HCN1: variants seen among roughly 807,000 people sequenced by gnomAD.
HCN1 encodes hyperpolarization activated cyclic nucleotide gated potassium channel 1.
A neutral mutation model predicts 78.9 loss-of-function variants in HCN1; 13 were observed. The ratio of observed to expected loss-of-function variants is 0.16; its 90% CI spans 0.11 to 0.26. HCN1 has a LOEUF of 0.26. Among genes scored for constraint, HCN1 ranks in the 10% least tolerant of loss-of-function variants. The pLI, the probability that HCN1 is intolerant of heterozygous loss-of-function variation, is 1.00. For synonymous variants in HCN1, 552 were observed against 455.5 expected, an observed-to-expected ratio of 1.21 and a Z score of -2.70; for missense variants, 810 against 1,154.3, an observed-to-expected ratio of 0.70 and a Z score of 4.32.
chr5:45,346,652 C>T (rs915875094), intron 5 of HCN1, among the ~76,000 whole-genome samples: 2 of 152,302 alleles, frequency 1.3e-5, no homozygotes, highest in Admixed American at 6.5e-5. Flanking sequence ...AATCGGGTCA[C>T]TCCCACCCTA....
At chr5:45,311,170 T>C (rs1366398868) in intron 5 of HCN1, among the ~76,000 whole-genome samples, 1 of 152,086 alleles carries the variant, frequency 6.6e-6, no homozygotes, top group East Asian at 1.9e-4. Context: ...GAACTTAAAA[T>C]GAAAGTTAAA....
intron 4 of HCN1, among the ~76,000 whole-genome samples, chr5:45,392,421 G>C (rs894232046): frequency 2.4e-4 from 37 of 152,028 alleles, no homozygotes; most frequent in Admixed American, 6.5e-4. Flanking sequence ...TTATTTTTTG[G>C]TATGATTACA....
At chr5:45,270,785 CAA>C (rs1744946267) in intron 6 of HCN1, among the ~76,000 whole-genome samples, 1 of 151,966 alleles carries the variant, frequency 6.6e-6, no homozygotes, top group Admixed American at 6.6e-5. Context: ...TTTTTAAAAA[CAA>C]GTTTAAAAAT....
intron 2 of HCN1, among the ~76,000 whole-genome samples, chr5:45,602,741 C>T (rs184775423): frequency 4.6e-5 from 7 of 152,206 alleles, no homozygotes; most frequent in Non-Finnish European, 8.8e-5. Context: ...GATTCAAGTG[C>T]TTGAGAGGCA....
chr5:45,269,142 C>G lies in HCN1; in HGVS notation c.1619-1889G>C, dbSNP rs573127609. On this transcript the variant is annotated intron_variant, in intron 6 of 7. Coordinates refer to ENST00000303230, the MANE Select transcript of HCN1 (RefSeq NM_021072.4). ...ATAACAGATTAGTGGTTGCCTGAGG[C>G]AAAAGATGGAAAAGGGAATTAACAG... Among the ~76,000 whole-genome samples the G allele has an allele frequency of 2.6e-5, 4 of 152,168 alleles. No homozygotes were observed. In the East Asian group the frequency reaches 5.8e-4, roughly 22 times the overall value.
intron 2 of HCN1, among the ~76,000 whole-genome samples, chr5:45,489,771 T>TA (rs1741841654): frequency 6.6e-6 from 1 of 152,168 alleles, no homozygotes; most frequent in Non-Finnish European, 1.5e-5. Context: ...CTTCACATTC[T>TA]AACTTTAGAG....
chr5:45,376,221 T>C (rs930128472), intron 4 of HCN1, among the ~76,000 whole-genome samples: 1,487 of 113,144 alleles, frequency 0.013, 22 homozygotes, highest in Non-Finnish European at 0.022. Context: ...TAATACATTA[T>C]ATATAATATA....
At chr5:45,619,395 T>G (rs1326879349) in intron 2 of HCN1, among the ~76,000 whole-genome samples, 1 of 152,102 alleles carries the variant, frequency 6.6e-6, no homozygotes, top group African/African-American at 2.4e-5. Context: ...AATCGAACAT[T>G]GTGTAGTGCC....
chr5:45,447,845 T>C (rs1298471249), intron 3 of HCN1, among the ~76,000 whole-genome samples: 1 of 151,734 alleles, frequency 6.6e-6, no homozygotes, highest in Non-Finnish European at 1.5e-5. Context: ...TGCAACAAGA[T>C]TTTTCCCCTC....
intron 5 of HCN1, among the ~76,000 whole-genome samples, chr5:45,331,385 C>T (rs1473452111): frequency 1.3e-5 from 2 of 151,192 alleles, no homozygotes; most frequent in Non-Finnish European, 3.0e-5. Flanking sequence ...ACTTATTTTC[C>T]CTAATTTACA....
intron 2 of HCN1, among the ~76,000 whole-genome samples, chr5:45,509,495 G>A (rs1053562752): frequency 6.6e-6 from 1 of 152,138 alleles, no homozygotes; most frequent in Non-Finnish European, 1.5e-5. Context: ...CTGCACTCAT[G>A]AAAGTTCAGA....
intron 2 of HCN1, among the ~76,000 whole-genome samples, chr5:45,476,877 G>A (rs1223023968): frequency 6.6e-6 from 1 of 152,010 alleles, no homozygotes; most frequent in African/African-American, 2.4e-5. Context: ...ATTGCATAAA[G>A]TTACCTTCAG....
chr5:45,347,738 T>G (rs1746780412), intron 5 of HCN1, among the ~76,000 whole-genome samples: 1 of 152,078 alleles, frequency 6.6e-6, no homozygotes, highest in Non-Finnish European at 1.5e-5. Flanking sequence ...CAGGAGCCGA[T>G]GCGATCAACT....
At chr5:45,611,128 G>C (rs986161982) in intron 2 of HCN1, among the ~76,000 whole-genome samples, 1 of 150,780 alleles carries the variant, frequency 6.6e-6, no homozygotes, top group South Asian at 2.1e-4. Context: ...TTGGGTCACT[G>C]CAGCCTCAAC....
chr5:45,601,785 G>A (rs567730270), intron 2 of HCN1, among the ~76,000 whole-genome samples: 2 of 152,276 alleles, frequency 1.3e-5, no homozygotes, highest in Non-Finnish European at 2.9e-5. Flanking sequence ...TATTAAGTGA[G>A]AAAGAATGGA....
At chr5:45,324,793 C>T (rs1018764950) in intron 5 of HCN1, among the ~76,000 whole-genome samples, 3 of 151,456 alleles carry the variant, frequency 2.0e-5, no homozygotes, top group African/African-American at 7.3e-5. Flanking sequence ...AAGTTATCTG[C>T]AATTATAATC....
At chr5:45,523,001 C>T (rs1015022552) in intron 2 of HCN1, among the ~76,000 whole-genome samples, 7 of 151,898 alleles carry the variant, frequency 4.6e-5, no homozygotes, top group African/African-American at 1.7e-4. Context: ...AAGGCCATCC[C>T]TCCCCACTCC....
rs554969139 is a variant in HCN1, at chr5:45,440,769, TAAAATAGC to T, written c.1011+21069_1011+21076del. Among the ~76,000 whole-genome samples, 408 of 152,322 alleles carry T rather than the reference TAAAATAGC, an allele frequency of 2.7e-3. 2 individuals are homozygous for T. Among genetic ancestry groups the T allele is most frequent in the African/African-American group, 9.1e-3 (377 of 41,576 alleles). On this transcript the variant is annotated intron_variant, in intron 3 of 7. Coordinates refer to ENST00000303230, the MANE Select transcript of HCN1 (RefSeq NM_021072.4). ...AGTTCCTGGTGCTGTAGCTATTCTGTAAAATAGCAAAATAGCACTCTCTTCTGTCTTCA... is the reference window on the plus strand; with the variant it reads ...AGTTCCTGGTGCTGTAGCTATTCTGTAAAATAGCACTCTCTTCTGTCTTCA...
intron 2 of HCN1, chr5:45,643,913 T>C (rs1294475460): frequency 6.6e-6 from 1 of 152,190 alleles, no homozygotes; most frequent in Non-Finnish European, 1.5e-5. Context: ...ATGTGCTATA[T>C]AGAGAAAAAT....
Sources: gnomAD v4.1 joint callset for allele counts (sites outside exome capture counted in the v4.1 genomes callset) on GRCh38, gnomAD v4.1.1 for gene constraint, MANE v1.5 for transcripts, NCBI Gene and HGNC (gene_info 2026-07-23, HGNC 2026-07-21) for gene names.